MAMSTR: variants seen among roughly 807,000 people sequenced by gnomAD.
MAMSTR encodes MEF2-activating motif and SAP domain-containing transcriptional regulator.
MAMSTR carries 41 observed loss-of-function variants against 42.7 expected under a neutral mutation model. That is an observed-to-expected ratio of 0.96 (90% CI 0.75 to 1.25). The LOEUF (loss-of-function observed/expected upper bound fraction) is 1.25, where lower values mean the gene tolerates loss of function less well. Ranked by LOEUF, MAMSTR falls within the 50% of genes most tolerant of loss-of-function variation. MAMSTR has a pLI of 0.00. For synonymous variants in MAMSTR, 265 were observed against 244.1 expected (o/e 1.09, Z -0.80); for missense variants, 567 against 557.6 (o/e 1.02, Z -0.17).
chr19:48,705,721 A>G, the MAMSTR span: 73,807 of 166,880 alleles, frequency 0.44, 17,310 homozygotes, highest in Middle Eastern at 0.58. Context: ...ACAGTCATCA[A>G]AGGAATAATT....
In MAMSTR at chr19:48,714,386, CT is replaced by C; in HGVS notation, c.702del (p.Ala235ProfsTer44). The C allele has an allele frequency of 7.3e-7, 1 of 1,368,780 alleles. No individual in the cohort carries two copies. The highest frequency in any genetic ancestry group is 9.4e-7 in the Non-Finnish European group (1 of 1,067,890). The allele number at this position is 1,368,780 out of a possible 1,614,324, so 84.8% of individuals were successfully genotyped here. A position where few individuals can be genotyped will look rare whatever the true frequency, so the allele number is the denominator to read the frequency against. The stretch of plus-strand genomic sequence containing the variant: ...CTCACCGAGCCCTGACGCCGGGCGG[CT>C]GCCAGGGCCTTGGGCTTGAGGCGCG... ...PWPRLKPKAL[A>X]AARRQGSVKP... is the part of the protein sequence containing the mutation. On this transcript the variant is annotated frameshift_variant, in exon 7 of 10. Coordinates refer to ENST00000318083, the MANE Select transcript of MAMSTR (RefSeq NM_001130915.2). LOFTEE classifies it high-confidence loss of function.
downstream of MAMSTR, among the ~76,000 whole-genome samples, chr19:48,712,282 G>A (rs2032744734): frequency 1.3e-5 from 2 of 152,170 alleles, no homozygotes; most frequent in Middle Eastern, 3.2e-3. Context: ...AACTTAATTT[G>A]TGCTCTGGAG....
intron 2 of MAMSTR, among the ~76,000 whole-genome samples, chr19:48,717,219 C>A (rs896367562): frequency 6.6e-6 from 1 of 152,186 alleles, no homozygotes; most frequent in Non-Finnish European, 1.5e-5. Context: ...TGCACACATG[C>A]CATTTTTACG....
intron 6 of MAMSTR, 50 bp downstream of exon 6, chr19:48,714,756 G>A (rs2032922331): frequency 6.9e-7 from 1 of 1,440,638 alleles, no homozygotes; most frequent in Non-Finnish European, 9.8e-7. Flanking sequence ...GGAATTCTGG[G>A]ACCCCACCGA....
chr19:48,712,425 C>CTTT (rs1479082214), downstream of MAMSTR, among the ~76,000 whole-genome samples: 5 of 148,420 alleles, frequency 3.4e-5, no homozygotes, highest in African/African-American at 1.2e-4. Context: ...TTCTCTCTCT[C>CTTT]TTTTTTTTTT....
chr19:48,715,159 G>T, intron 5 of MAMSTR, 103 bp downstream of exon 5: 1 of 1,058,948 alleles, frequency 9.4e-7, no homozygotes, highest in Non-Finnish European at 1.4e-6. Context: ...GAGAAGAGAG[G>T]GTTGGGGGCC....
chr19:48,706,941 A>T, the MAMSTR span, among the ~76,000 whole-genome samples: 1 of 151,992 alleles, frequency 6.6e-6, no homozygotes, highest in Non-Finnish European at 1.5e-5. Flanking sequence ...TACAAAAAAT[A>T]AAAAACTAAC....
At position 48,712,969 on chromosome 19, in the gene MAMSTR, G is replaced by A. The variant is rs536814932; in HGVS notation, c.*298C>T. 6.4e-4 allele frequency: 200 copies of A among 312,734 alleles called. No individual in the cohort carries two copies. Among genetic ancestry groups the A allele is most frequent in the African/African-American group, 4.1e-3 (189 of 46,098 alleles). 19.4% of individuals were successfully genotyped at this position (312,734 alleles called of 1,614,324 possible). On this transcript the variant is annotated 3_prime_UTR_variant, in exon 10 of 10. Coordinates refer to ENST00000318083, the MANE Select transcript of MAMSTR (RefSeq NM_001130915.2). Reference sequence around the variant, plus strand: ...ACAGGGAGCCATCTACCGGGGTCGGGGGCATGTAAGAACATCCATGAGGTC... The same window carrying A: ...ACAGGGAGCCATCTACCGGGGTCGGAGGCATGTAAGAACATCCATGAGGTC...
intron 2 of MAMSTR, 49 bp from the exon 3 acceptor site, chr19:48,716,792 C>T: frequency 7.8e-7 from 1 of 1,274,504 alleles, no homozygotes. Context: ...AAGGGAGTGT[C>T]CAGGAGCCTG....
chr19:48,717,786 C>A (rs181963956), intron 2 of MAMSTR, among the ~76,000 whole-genome samples: 2,433 of 152,180 alleles, frequency 0.016, 67 homozygotes, highest in African/African-American at 0.054. Context: ...CTCACTGCAA[C>A]CTCCACCTCC....
At chr19:48,706,407 G>A in the MAMSTR span, among the ~76,000 whole-genome samples, 1 of 151,886 alleles carries the variant, frequency 6.6e-6, no homozygotes, top group Non-Finnish European at 1.5e-5. Flanking sequence ...GGAAGCTGAG[G>A]CAGATGGATC....
the MAMSTR span, chr19:48,706,014 C>T: frequency 6.6e-6 from 1 of 152,388 alleles, no homozygotes; most frequent in Non-Finnish European, 1.5e-5. Context: ...CATCTTAGGC[C>T]AGGCATGGTG....
intron 6 of MAMSTR, 60 bp downstream of exon 6, chr19:48,714,746 G>A (rs1357753869): frequency 5.0e-6 from 7 of 1,397,242 alleles, no homozygotes; most frequent in Non-Finnish European, 7.1e-6. Context: ...CTGCGGGGTT[G>A]GAATTCTGGG....
chr19:48,716,937 C>CGCCGCGGGCCAGCCCCATTAT, intron 2 of MAMSTR, 194 bp from the exon 3 acceptor site: 1 of 1,193,244 alleles, frequency 8.4e-7, no homozygotes, highest in Admixed American at 4.5e-5. Flanking sequence ...GCCAGCGCAG[C>CGCCGCGGGCCAGCCCCATTAT]GCCGCGGGCC....
rs2032898460 is a variant in MAMSTR at position 48,714,435 on chromosome 19, G to A, written c.654C>T (p.Asp218=). Residue 218 remains aspartate (D), a synonymous_variant, in exon 7 of 10, where the codon GAC becomes GAT. Coordinates refer to ENST00000318083, the MANE Select transcript of MAMSTR (RefSeq NM_001130915.2). ...PRERPKPRRE[D]SPAGAPWPRL... Reference sequence around the variant, plus strand: ...GCGGCCAGGGAGCACCCGCGGGACTGTCCTCGCGCCGCGGCTTCGGCCGCT... The same window carrying A: ...GCGGCCAGGGAGCACCCGCGGGACTATCCTCGCGCCGCGGCTTCGGCCGCT... 7.3e-7 allele frequency: 1 copy of A among 1,370,398 alleles called. No individual in the cohort carries two copies. The highest frequency in any genetic ancestry group is 9.3e-7 in the Non-Finnish European group (1 of 1,073,668). The allele number at this position is 1,370,398 out of a possible 1,614,324, so 84.9% of individuals were successfully genotyped here.
chr19:48,712,525 G>A (rs1478521927), downstream of MAMSTR, among the ~76,000 whole-genome samples: 4 of 151,418 alleles, frequency 2.6e-5, no homozygotes, highest in African/African-American at 9.7e-5. Flanking sequence ...GGGTTCAAGC[G>A]ATTCTCCTGC....
At chr19:48,708,575 C>G (rs76226641), downstream of MAMSTR, among the ~76,000 whole-genome samples, 3,215 of 152,128 alleles carry the variant, frequency 0.021, 673 homozygotes, top group East Asian at 0.49. Flanking sequence ...TCGGCAGTGC[C>G]GGCAGTGCAG....
intron 5 of MAMSTR, 118 bp downstream of exon 5, chr19:48,715,144 C>T (rs1320341367): frequency 6.8e-6 from 6 of 887,214 alleles, no homozygotes; most frequent in Non-Finnish European, 8.8e-6. Context: ...ACTCTTAAAC[C>T]CTGGGAGAAG....
At position 48,713,546 on chromosome 19, in the gene MAMSTR, G is replaced by C; in HGVS notation, c.969C>G (p.Pro323=). 1 of 1,609,984 alleles carries C rather than the reference G, an allele frequency of 6.2e-7. No individual in the cohort carries two copies. The highest frequency in any genetic ancestry group is 8.5e-7 in the Non-Finnish European group (1 of 1,178,458). ...ILEDQVEPDD[P]LPPIPLDFPG... is the part of the protein sequence containing the mutation. ...GGAAGTCCAGGGGAATAGGGGGCAG[G>C]GGGTCTGCGGGATAAAGAATGGTAC... Residue 323 remains proline, a synonymous_variant, in exon 10 of 10, where the codon CCC becomes CCG. Coordinates refer to ENST00000318083, the MANE Select transcript of MAMSTR (RefSeq NM_001130915.2).
Sources: allele counts gnomAD v4.1 joint callset (sites outside exome capture counted in the v4.1 genomes callset), GRCh38; gene constraint gnomAD v4.1.1; transcripts MANE v1.5; gene names NCBI Gene and HGNC (gene_info 2026-07-23, HGNC 2026-07-21).